Variants in VRK2 observed in about 807,000 individuals in gnomAD.
The protein encoded by VRK2 is VRK serine/threonine kinase 2, also known as serine/threonine-protein kinase VRK2.
Under a neutral mutation model 57.6 loss-of-function variants are expected in VRK2, and 60 were observed. The observed-to-expected ratio is 1.04, with a 90% CI of 0.85 to 1.29. The LOEUF (loss-of-function observed/expected upper bound fraction) is 1.29, where lower values mean the gene tolerates loss of function less well. Among genes scored for constraint, VRK2 ranks in the 50% most tolerant of loss-of-function variants. The probability of loss-of-function intolerance (pLI) is 0.00; values close to 1 mark genes in which losing one functional copy is unlikely to be tolerated. For missense variants in VRK2, 705 were observed against 588.1 expected (o/e 1.20, Z -2.06); for synonymous variants, 231 against 199.2 (o/e 1.16, Z -1.35).
chr2:58,125,531 A>G (rs1243585601), intron 8 of VRK2, among the ~76,000 whole-genome samples: 1 of 152,074 alleles, frequency 6.6e-6, no homozygotes, highest in East Asian at 1.9e-4. Context: ...GGGGAGGTAT[A>G]TTCAGGGAAG....
At chr2:58,013,664 G>A (rs1185668192) in intron 1 of VRK2, among the ~76,000 whole-genome samples, 1 of 151,852 alleles carries the variant, frequency 6.6e-6, no homozygotes, top group South Asian at 2.1e-4. Context: ...GAGGTCAGGA[G>A]ATCGAGACCA....
In VRK2 at chr2:58,056,745, C is replaced by T. The variant is rs142298211; in HGVS notation, c.136+7778C>T. 3.3e-4 allele frequency among the ~76,000 whole-genome samples: 50 copies of T among 152,234 alleles called. 1 individual carries two copies. The East Asian group carries it at 9.5e-3, about 29-fold the overall frequency. ...GCTTCCCAAAATAGTAGTGTGGTGGCATGTGATGCTTTTATTGTACTTGGT... is the reference window on the plus strand; with the variant it reads ...GCTTCCCAAAATAGTAGTGTGGTGGTATGTGATGCTTTTATTGTACTTGGT... On this transcript the variant is annotated intron_variant, in intron 2 of 12. Coordinates refer to ENST00000340157, the MANE Select transcript of VRK2 (RefSeq NM_006296.7).
chr2:57,921,277 C>T (rs964485750), intron 1 of VRK2, among the ~76,000 whole-genome samples: 1 of 133,588 alleles, frequency 7.5e-6, no homozygotes, highest in Non-Finnish European at 1.6e-5. Context: ...CCAGGTAATT[C>T]TTAAGCGCGC....
intron 7 of VRK2, among the ~76,000 whole-genome samples, chr2:58,106,906 G>A (rs1674835317): frequency 6.6e-6 from 1 of 152,024 alleles, no homozygotes; most frequent in Non-Finnish European, 1.5e-5. Flanking sequence ...TTGTGATAAA[G>A]CACTAGTATC....
At chr2:58,072,807 T>C (rs1474839217) in intron 2 of VRK2, among the ~76,000 whole-genome samples, 1 of 152,010 alleles carries the variant, frequency 6.6e-6, no homozygotes, top group Non-Finnish European at 1.5e-5. Context: ...TTCTGTTTTC[T>C]AGGAGAGATT....
At chr2:58,027,584 G>A (rs1303675699) in intron 2 of VRK2, among the ~76,000 whole-genome samples, 1 of 151,834 alleles carries the variant, frequency 6.6e-6, no homozygotes, top group Non-Finnish European at 1.5e-5. Flanking sequence ...GTGGAAAGGG[G>A]GACTGCAGAG....
chr2:58,139,759 G>A lies in VRK2; in HGVS notation c.950G>A (p.Gly317Glu). ...QALKKILNPH[G>E]IPLGPLDFST... ...CTCAAGAAAATTTTGAACCCTCATGGAATACCTTTAGGACCACTGGACTTT... is the reference window on the plus strand; with the variant it reads ...CTCAAGAAAATTTTGAACCCTCATGAAATACCTTTAGGACCACTGGACTTT... Residue 317 changes from glycine to glutamate, a missense_variant, in exon 11 of 13, where the codon GGA becomes GAA. Physicochemically the swap from Gly to Glu is moderately conservative, Grantham distance 98 (BLOSUM62 -2). Coordinates refer to ENST00000340157, the MANE Select transcript of VRK2 (RefSeq NM_006296.7). 6.2e-7 allele frequency: 1 copy of A among 1,613,174 alleles called. No individual in the cohort carries two copies. The highest frequency in any genetic ancestry group is 8.5e-7 in the Non-Finnish European group (1 of 1,179,442).
At chr2:57,975,758 CTT>C (rs1000042113) in intron 1 of VRK2, among the ~76,000 whole-genome samples, 2 of 145,324 alleles carry the variant, frequency 1.4e-5, no homozygotes, top group Admixed American at 6.9e-5. Flanking sequence ...TTCTCTCTCT[CTT>C]TTTTTTTTTT....
At chr2:57,959,716 A>T (rs1671697666) in intron 1 of VRK2, among the ~76,000 whole-genome samples, 1 of 152,210 alleles carries the variant, frequency 6.6e-6, no homozygotes, top group Admixed American at 6.5e-5. Context: ...AATACAATTT[A>T]TCCAGAGGCT....
chr2:58,127,363 C>T (rs921588459), intron 8 of VRK2, among the ~76,000 whole-genome samples: 1 of 151,962 alleles, frequency 6.6e-6, no homozygotes. Flanking sequence ...TTACATTGGC[C>T]AAGTCTAAGA....
At chr2:57,924,748 A>T (rs1670475651) in intron 1 of VRK2, among the ~76,000 whole-genome samples, 1 of 151,994 alleles carries the variant, frequency 6.6e-6, no homozygotes. Flanking sequence ...ACGTTGAATA[A>T]CAGTGGTGCC....
chr2:58,019,440 G>A (rs1673682758), intron 1 of VRK2, among the ~76,000 whole-genome samples: 1 of 152,116 alleles, frequency 6.6e-6, no homozygotes. Flanking sequence ...ATGAGATATA[G>A]ACAAGTGAGA....
intron 6 of VRK2, among the ~76,000 whole-genome samples, chr2:58,088,649 C>T (rs1438738935): frequency 6.6e-6 from 1 of 152,182 alleles, no homozygotes; most frequent in Non-Finnish European, 1.5e-5. Flanking sequence ...GCACTGCAAA[C>T]TCAATTAGGC....
At chr2:57,927,384 C>G (rs1286533540) in intron 1 of VRK2, among the ~76,000 whole-genome samples, 1 of 150,772 alleles carries the variant, frequency 6.6e-6, no homozygotes, top group East Asian at 2.0e-4. Flanking sequence ...TGAAGAGATT[C>G]TCCTGCCTCA....
chr2:57,935,183 G>C (rs1315123005), intron 1 of VRK2, among the ~76,000 whole-genome samples: 1 of 152,122 alleles, frequency 6.6e-6, no homozygotes, highest in Non-Finnish European at 1.5e-5. Flanking sequence ...TGCATTTGAG[G>C]AAACAACCAC....
chr2:57,950,900 T>C (rs980026854), intron 1 of VRK2, among the ~76,000 whole-genome samples: 1 of 152,102 alleles, frequency 6.6e-6, no homozygotes, highest in Non-Finnish European at 1.5e-5. Context: ...AAGACCATCC[T>C]GGCCAACATG....
intron 12 of VRK2, 146 bp downstream of exon 12, chr2:58,146,620 C>G: frequency 1.1e-6 from 1 of 944,612 alleles, no homozygotes; most frequent in Non-Finnish European, 1.5e-6. Context: ...TCCTAGCCAG[C>G]TGATAAAATT....
At chr2:57,923,690 C>A (rs927387561) in intron 1 of VRK2, among the ~76,000 whole-genome samples, 1 of 151,900 alleles carries the variant, frequency 6.6e-6, no homozygotes, top group African/African-American at 2.4e-5. Flanking sequence ...TGTCTCTTCA[C>A]CTTTTTTTGT....
At chr2:57,916,755 G>A (rs1488621528) in intron 1 of VRK2, among the ~76,000 whole-genome samples, 1 of 152,168 alleles carries the variant, frequency 6.6e-6, no homozygotes, top group Non-Finnish European at 1.5e-5. Context: ...TCAGAGTAGA[G>A]AAAAGCCATT....
Sources: gnomAD v4.1 joint callset for allele counts (sites outside exome capture counted in the v4.1 genomes callset) on GRCh38, gnomAD v4.1.1 for gene constraint, MANE v1.5 for transcripts, NCBI Gene and HGNC (gene_info 2026-07-23, HGNC 2026-07-21) for gene names.